The following GALNT14 variants were observed in gnomAD, a reference collection of about 807,000 sequenced individuals.
GALNT14 encodes polypeptide N-acetylgalactosaminyltransferase 14, also known as UDP-GalNAc:polypeptide N-acetylgalactosaminyltransferase 14.
In GALNT14, 60 loss-of-function variants were observed where a neutral mutation model predicts 77.5. The ratio of observed to expected loss-of-function variants is 0.77; its 90% CI spans 0.63 to 0.96. The LOEUF (loss-of-function observed/expected upper bound fraction) is 0.96, where lower values mean the gene tolerates loss of function less well. GALNT14 is among the 40% of genes least tolerant of loss of function. The probability of loss-of-function intolerance (pLI) is 0.00; values close to 1 mark genes in which losing one functional copy is unlikely to be tolerated. For synonymous variants in GALNT14, 280 were observed against 281.7 expected, an observed-to-expected ratio of 0.99 and a Z score of 0.06; for missense variants, 710 against 731.0, an observed-to-expected ratio of 0.97 and a Z score of 0.33.
Position 30,910,653 on chromosome 2 carries a change from G to A in GALNT14, c.*248C>T, listed in dbSNP as rs947288704. The A allele has an allele frequency of 4.6e-6, 2 of 438,564 alleles. No individual in the cohort carries two copies. Among genetic ancestry groups the A allele is most frequent in the Non-Finnish European group, 8.1e-6 (2 of 247,312 alleles). 27.2% of individuals were successfully genotyped at this position (438,564 alleles called of 1,614,324 possible). A position where few individuals can be genotyped will look rare whatever the true frequency, so the allele number is the denominator to read the frequency against. ...GTTTCTGTCTCCAGATACCAATCAGGGAATGACTGGCCAGGACTGGAACTT... is the reference window on the plus strand; with the variant it reads ...GTTTCTGTCTCCAGATACCAATCAGAGAATGACTGGCCAGGACTGGAACTT... On this transcript the variant is annotated 3_prime_UTR_variant, in exon 15 of 15. Transcript: ENST00000349752.
intron 1 of GALNT14, among the ~76,000 whole-genome samples, chr2:31,104,939 T>C (rs1429268605): frequency 6.6e-6 from 1 of 152,220 alleles, no homozygotes; most frequent in Non-Finnish European, 1.5e-5. Context: ...GAAGCTTTAC[T>C]AATATTGTGC....
chr2:30,922,198 A>C (rs920834601), intron 13 of GALNT14, among the ~76,000 whole-genome samples: 2 of 152,102 alleles, frequency 1.3e-5, no homozygotes, highest in African/African-American at 4.8e-5. Context: ...CATTGTGGGC[A>C]TGGACTCACT....
chr2:30,962,336 C>T (rs1005105503), intron 3 of GALNT14, among the ~76,000 whole-genome samples: 10 of 152,220 alleles, frequency 6.6e-5, no homozygotes, highest in African/African-American at 2.2e-4. Flanking sequence ...GAAAATCTGG[C>T]CCCAGAGTCC....
chr2:30,949,076 T>C (rs1159793545), intron 6 of GALNT14, among the ~76,000 whole-genome samples: 1 of 152,118 alleles, frequency 6.6e-6, no homozygotes, highest in Non-Finnish European at 1.5e-5. Context: ...TAGTGAGGGA[T>C]ATTTGGGTCT....
chr2:31,029,713 C>T (rs1442571837), intron 1 of GALNT14, among the ~76,000 whole-genome samples: 2 of 152,206 alleles, frequency 1.3e-5, no homozygotes, highest in African/African-American at 4.8e-5. Context: ...AGAGGAGTAG[C>T]AATCCCTGGC....
chr2:31,112,919 T>C lies in GALNT14; in HGVS notation c.129+25039A>G, dbSNP rs371666817. ...CAAGTGATCCCAGTAAGGAAGTAAT[T>C]CCAGTCTAGATGAATTAGGCCTCTG... On this transcript the variant is annotated intron_variant, in intron 1 of 14. Transcript: ENST00000349752. 3.3e-5 allele frequency among the ~76,000 whole-genome samples: 5 copies of C among 152,314 alleles called. No homozygotes were observed. In the East Asian group the frequency reaches 9.6e-4, roughly 29 times the overall value.
At chr2:31,088,531 C>A (rs565544019) in intron 1 of GALNT14, among the ~76,000 whole-genome samples, 1 of 152,242 alleles carries the variant, frequency 6.6e-6, no homozygotes, top group East Asian at 1.9e-4. Context: ...CGATGTGTGG[C>A]ACAGGCTTGG....
chr2:31,005,018 G>A (rs1670583632), intron 1 of GALNT14, among the ~76,000 whole-genome samples: 1 of 152,188 alleles, frequency 6.6e-6, no homozygotes, highest in African/African-American at 2.4e-5. Flanking sequence ...CTTTAAACCT[G>A]CTCTTGGGCA....
At chr2:30,931,336 G>T (rs1300698774) in intron 10 of GALNT14, among the ~76,000 whole-genome samples, 2 of 152,206 alleles carry the variant, frequency 1.3e-5, no homozygotes, top group African/African-American at 4.8e-5. Context: ...GAGATAGAGG[G>T]TGGGGGAAAG....
At chr2:30,930,214 A>G (rs1373912622) in intron 10 of GALNT14, among the ~76,000 whole-genome samples, 2 of 152,176 alleles carry the variant, frequency 1.3e-5, no homozygotes, top group African/African-American at 2.4e-5. Flanking sequence ...CAAGAGTGCA[A>G]AGGCAGGGCC....
intron 1 of GALNT14, among the ~76,000 whole-genome samples, chr2:31,116,100 T>C (rs984259441): frequency 3.3e-5 from 5 of 152,140 alleles, no homozygotes; most frequent in Admixed American, 6.5e-5. Flanking sequence ...AAAATCATCA[T>C]TGATATCTTG....
rs1677540520 is a variant in GALNT14, at chr2:31,106,010, C to A, written c.129+31948G>T. Among the ~76,000 whole-genome samples the A allele has an allele frequency of 2.0e-5, 3 of 152,226 alleles. No homozygotes were observed. The South Asian group carries it at 6.2e-4, about 32-fold the overall frequency. On this transcript the variant is annotated intron_variant, in intron 1 of 14. Transcript: ENST00000349752. ...ATTATCCTTTCTCTTAACCAATCTTCCAACCATTCTAGCCATGTCCCCTGC... is the reference window on the plus strand; with the variant it reads ...ATTATCCTTTCTCTTAACCAATCTTACAACCATTCTAGCCATGTCCCCTGC...
At chr2:31,108,544 G>A (rs1415259846) in intron 1 of GALNT14, among the ~76,000 whole-genome samples, 3 of 152,190 alleles carry the variant, frequency 2.0e-5, no homozygotes, top group Non-Finnish European at 4.4e-5. Flanking sequence ...CTTCAAGGAA[G>A]GCCCAGATCT....
intron 1 of GALNT14, among the ~76,000 whole-genome samples, chr2:31,004,868 AG>A (rs1206751761): frequency 6.6e-6 from 1 of 152,226 alleles, no homozygotes; most frequent in East Asian, 1.9e-4. Flanking sequence ...AAATAGCTAC[AG>A]GGAAAAGCAA....
At chr2:31,063,243 G>A (rs1210420703) in intron 1 of GALNT14, among the ~76,000 whole-genome samples, 1 of 152,198 alleles carries the variant, frequency 6.6e-6, no homozygotes, top group Non-Finnish European at 1.5e-5. Flanking sequence ...TGTATAAGGT[G>A]TAAGGAAGGG....
intron 1 of GALNT14, among the ~76,000 whole-genome samples, chr2:31,052,425 G>C (rs892251117): frequency 1.2e-4 from 19 of 152,234 alleles, no homozygotes; most frequent in African/African-American, 3.1e-4. Flanking sequence ...ACAACAGAGT[G>C]AGAAGCTGGG....
At chr2:31,059,729 T>A (rs920161995) in intron 1 of GALNT14, among the ~76,000 whole-genome samples, 1 of 151,862 alleles carries the variant, frequency 6.6e-6, no homozygotes, top group African/African-American at 2.4e-5. Context: ...ATAAAAATGA[T>A]AAAGAGGCCC....
the GALNT14 span, among the ~76,000 whole-genome samples, chr2:30,892,288 A>G: frequency 6.6e-6 from 1 of 152,196 alleles, no homozygotes; most frequent in East Asian, 1.9e-4. Context: ...CTAACAATCA[A>G]AGAAATAGTA....
chr2:31,079,047 G>A (rs1675993463), intron 1 of GALNT14: 2 of 1,266,246 alleles, frequency 1.6e-6, no homozygotes, highest in South Asian at 2.6e-5. Context: ...TCAGGTGTCA[G>A]CTGCAAACTG....
Sources: allele counts gnomAD v4.1 joint callset (sites outside exome capture counted in the v4.1 genomes callset), GRCh38; gene constraint gnomAD v4.1.1; transcripts MANE v1.5; gene names NCBI Gene and HGNC (gene_info 2026-07-23, HGNC 2026-07-21).